ZC4H2: variants seen among roughly 807,000 people sequenced by gnomAD.
ZC4H2 encodes zinc finger C4H2 domain-containing protein.
For missense variants in ZC4H2, 137 were observed against 173.9 expected, an observed-to-expected ratio of 0.79 and a Z score of 1.19; for synonymous variants, 84 against 66.3, an observed-to-expected ratio of 1.27 and a Z score of -1.30.
At chrX:64,921,250 C>T (rs1929182285) in intron 2 of ZC4H2, among the ~76,000 whole-genome samples, 1 of 112,144 alleles carries the variant, frequency 8.9e-6, no homozygotes, top group South Asian at 3.7e-4. Flanking sequence ...CAACCTCCTT[C>T]CTTGTGAAGG....
intron 1 of ZC4H2, chrX:64,965,592 G>T (rs1218102447): frequency 3.9e-6 from 1 of 257,153 alleles, no homozygotes; most frequent in East Asian, 1.2e-4. Context: ...AATGGCACAA[G>T]AATTCACAAT....
chrX:64,956,142 C>T (rs1181307607), intron 1 of ZC4H2, among the ~76,000 whole-genome samples: 1 of 111,849 alleles, frequency 8.9e-6, no homozygotes, highest in Non-Finnish European at 1.9e-5. Context: ...AGCATTGGCT[C>T]AATGGAAAAA....
chrX:64,968,489 C>T (rs1042197287), intron 1 of ZC4H2, among the ~76,000 whole-genome samples: 2 of 111,595 alleles, frequency 1.8e-5, no homozygotes, highest in Admixed American at 9.5e-5. Flanking sequence ...GAAATTCTAC[C>T]TGGAAAGTAG....
intron 1 of ZC4H2, among the ~76,000 whole-genome samples, chrX:64,947,112 G>A (rs756528991): frequency 8.9e-6 from 1 of 111,871 alleles, no homozygotes; most frequent in South Asian, 3.7e-4. Flanking sequence ...GATATATGTT[G>A]TTTAGTGTCC....
At chrX:65,026,041 T>C (rs966996216) in intron 1 of ZC4H2, among the ~76,000 whole-genome samples, 1 of 111,706 alleles carries the variant, frequency 9.0e-6, no homozygotes, top group African/African-American at 3.3e-5. Context: ...CTGGCCCTCT[T>C]ACAGTATCCA....
chrX:65,008,876 G>A (rs957554637), intron 1 of ZC4H2, among the ~76,000 whole-genome samples: 1 of 111,096 alleles, frequency 9.0e-6, no homozygotes, highest in African/African-American at 3.3e-5. Context: ...TTAAACAGAA[G>A]GAATAAGATC....
At chrX:64,986,273 G>T (rs963113320) in intron 1 of ZC4H2, among the ~76,000 whole-genome samples, 3 of 112,040 alleles carry the variant, frequency 2.7e-5, no homozygotes, top group Non-Finnish European at 5.6e-5. Flanking sequence ...ACAGCTTTTT[G>T]GTCTATTAGT....
At chrX:64,953,746 A>G (rs768371854) in intron 1 of ZC4H2, among the ~76,000 whole-genome samples, 13 of 111,896 alleles carry the variant, frequency 1.2e-4, no homozygotes, top group East Asian at 1.1e-3. Flanking sequence ...CAACCATTGC[A>G]GAAGTCAGTG....
chrX:64,963,623 G>A lies in ZC4H2; in HGVS notation c.53+12702C>T, dbSNP rs184837288. Reference sequence around the variant, plus strand: ...ACCCGATTGAACACTGGGCAAAGGAGTTCCATAAACATTATTCCAAAGAAC... The same window carrying A: ...ACCCGATTGAACACTGGGCAAAGGAATTCCATAAACATTATTCCAAAGAAC... On this transcript the variant is annotated intron_variant, in intron 1 of 4. Coordinates refer to ENST00000374839, the MANE Select transcript of ZC4H2 (RefSeq NM_018684.4). 2.4e-3 allele frequency among the ~76,000 whole-genome samples: 266 copies of A among 111,465 alleles called. 2 individuals carry two copies. The highest frequency in any genetic ancestry group is 5.7e-3 in the African/African-American group (177 of 30,828).
At chrX:64,989,348 T>G (rs1402404740) in intron 1 of ZC4H2, among the ~76,000 whole-genome samples, 3 of 112,098 alleles carry the variant, frequency 2.7e-5, no homozygotes, top group Admixed American at 9.5e-5. Flanking sequence ...TTGCTATCCA[T>G]GAGCATGGAA....
At chrX:64,931,766 C>T (rs1169826178) in intron 1 of ZC4H2, among the ~76,000 whole-genome samples, 1 of 110,973 alleles carries the variant, frequency 9.0e-6, no homozygotes, top group Non-Finnish European at 1.9e-5. Flanking sequence ...TGTTGTGTGA[C>T]CTATGATATG....
intron 1 of ZC4H2, among the ~76,000 whole-genome samples, chrX:64,928,198 A>G (rs954401201): frequency 8.9e-6 from 1 of 112,167 alleles, no homozygotes; most frequent in Admixed American, 9.4e-5. Context: ...GTCTTTGCCC[A>G]TGCCTATGTC....
chrX:64,993,631 CA>C (rs1932353450), intron 1 of ZC4H2, among the ~76,000 whole-genome samples: 1 of 111,507 alleles, frequency 9.0e-6, no homozygotes, highest in African/African-American at 3.3e-5. Flanking sequence ...CCACAATAAG[CA>C]AATTTCTGTT....
intron 1 of ZC4H2, among the ~76,000 whole-genome samples, chrX:64,953,884 C>T (rs906566455): frequency 1.1e-4 from 12 of 111,177 alleles, no homozygotes; most frequent in African/African-American, 3.9e-4. Context: ...TTTATTGTGG[C>T]ACTGTTCAGA....
At chrX:64,992,857 C>G (rs1932336540) in intron 1 of ZC4H2, among the ~76,000 whole-genome samples, 1 of 111,660 alleles carries the variant, frequency 9.0e-6, no homozygotes, top group South Asian at 3.7e-4. Context: ...AGACTGTGTC[C>G]TGGAGCAGAA....
intron 1 of ZC4H2, among the ~76,000 whole-genome samples, chrX:64,952,499 T>A (rs1353638074): frequency 9.1e-6 from 1 of 110,251 alleles, no homozygotes; most frequent in Non-Finnish European, 1.9e-5. Flanking sequence ...TGTGCAAAAA[T>A]CACAAGCATT....
intron 1 of ZC4H2, among the ~76,000 whole-genome samples, chrX:65,010,175 T>C (rs181037395): frequency 6.1e-4 from 69 of 112,607 alleles, no homozygotes; most frequent in Non-Finnish European, 9.4e-4. Flanking sequence ...TTGGTCTTTT[T>C]AAAATTTCTC....
chrX:65,029,243 C>G (rs1479656111), intron 1 of ZC4H2, among the ~76,000 whole-genome samples: 1 of 112,104 alleles, frequency 8.9e-6, no homozygotes, highest in African/African-American at 3.2e-5. Flanking sequence ...ATGATCAATA[C>G]TATCATATGT....
intron 1 of ZC4H2, among the ~76,000 whole-genome samples, chrX:64,935,400 G>T (rs1317575402): frequency 8.9e-6 from 1 of 111,977 alleles, no homozygotes; most frequent in Non-Finnish European, 1.9e-5. Context: ...ACACAGCTTC[G>T]GCAGACTTAA....
Sources: allele counts gnomAD v4.1 joint callset (sites outside exome capture counted in the v4.1 genomes callset), GRCh38; gene constraint gnomAD v4.1.1; transcripts MANE v1.5; gene names NCBI Gene and HGNC (gene_info 2026-07-23, HGNC 2026-07-21).